DCP1B: variants seen among roughly 807,000 people sequenced by gnomAD.
The protein encoded by DCP1B is mRNA-decapping enzyme 1B.
In DCP1B, 47 loss-of-function variants were observed where a neutral mutation model predicts 60.5. The observed-to-expected ratio is 0.78, with a 90% CI of 0.61 to 0.99. DCP1B has a LOEUF of 0.99. Among genes scored for constraint, DCP1B ranks in the 50% least tolerant of loss-of-function variants. The pLI, the probability that DCP1B is intolerant of heterozygous loss-of-function variation, is 0.00. For synonymous variants in DCP1B, 267 were observed against 280.3 expected (o/e 0.95, Z 0.47); for missense variants, 725 against 756.8 (o/e 0.96, Z 0.49).
At chr12:1,999,037 C>T (rs2041577484) in intron 1 of DCP1B, among the ~76,000 whole-genome samples, 1 of 152,238 alleles carries the variant, frequency 6.6e-6, no homozygotes, top group Admixed American at 6.5e-5. Context: ...ATTTCTCATT[C>T]ACTTTAGTTC....
intron 7 of DCP1B, among the ~76,000 whole-genome samples, chr12:1,952,201 T>A (rs2030698103): frequency 6.6e-6 from 1 of 152,050 alleles, no homozygotes; most frequent in African/African-American, 2.4e-5. Context: ...ACAGACAGGG[T>A]CTCGCTCTGT....
chr12:1,968,735 C>T (rs1455873110), intron 3 of DCP1B, among the ~76,000 whole-genome samples: 1 of 152,050 alleles, frequency 6.6e-6, no homozygotes, highest in Non-Finnish European at 1.5e-5. Flanking sequence ...TAGGGAGAGG[C>T]CACTGGAAAA....
chr12:1,963,587 A>G (rs762904982), intron 5 of DCP1B, among the ~76,000 whole-genome samples: 1 of 152,164 alleles, frequency 6.6e-6, no homozygotes, highest in Non-Finnish European at 1.5e-5. Flanking sequence ...TATACATTCA[A>G]TGTGGTTTAA....
chr12:1,962,369 A>G lies in DCP1B; in HGVS notation c.522+3189T>C, dbSNP rs1321471986. 6.6e-6 allele frequency among the ~76,000 whole-genome samples: 1 copy of G among 152,208 alleles called. No individual in the cohort carries two copies. Among genetic ancestry groups the G allele is most frequent in the Non-Finnish European group, 1.5e-5 (1 of 68,042 alleles). ...GGGGCAGTCTCCCCAGCCAGAAAGG[A>G]TTTTAAGATGTCAAAACATTATAAC... is the stretch of plus-strand genomic sequence containing the variant. On this transcript the variant is annotated intron_variant, in intron 5 of 8. Transcript: ENST00000280665. The surrounding 1 kb of genome is among the most constrained non-coding windows in gnomAD (Gnocchi z 4.4).
At chr12:1,959,349 T>C (rs1227902570) in intron 5 of DCP1B, among the ~76,000 whole-genome samples, 1 of 152,198 alleles carries the variant, frequency 6.6e-6, no homozygotes, top group East Asian at 1.9e-4. Flanking sequence ...AAGAGATTCA[T>C]GTCCAAAGTA....
chr12:1,972,478 G>T (rs1227939483), intron 3 of DCP1B, among the ~76,000 whole-genome samples: 1 of 151,978 alleles, frequency 6.6e-6, no homozygotes, highest in African/African-American at 2.4e-5. Context: ...AAGATCCCAA[G>T]ATATTTAAAA....
chr12:1,986,106 C>A (rs1226095691), intron 3 of DCP1B, among the ~76,000 whole-genome samples: 1 of 152,246 alleles, frequency 6.6e-6, no homozygotes, highest in Non-Finnish European at 1.5e-5. Context: ...AGCCACTGCG[C>A]CCAGCCGTCA....
intron 5 of DCP1B, among the ~76,000 whole-genome samples, chr12:1,963,384 T>C (rs185440898): frequency 6.3e-4 from 96 of 152,366 alleles, no homozygotes; most frequent in Admixed American, 1.3e-3. Context: ...CCAGGGCTGT[T>C]TGATTACTCT....
At chr12:1,965,439 G>T in intron 5 of DCP1B, 119 bp downstream of exon 5, 1 of 1,190,608 alleles carries the variant, frequency 8.4e-7, no homozygotes, top group Non-Finnish European at 1.1e-6. Flanking sequence ...TTTTTTATTT[G>T]TAATATAATT....
chr12:1,987,761 ATAT>A lies in DCP1B; in HGVS notation c.319+5500_319+5502del, dbSNP rs1161683211. ...CCCATCCTTCCAATATAATGCTTTC[ATAT>A]TCAGTGTCTTTAACTATGTATTATG... On this transcript the variant is annotated intron_variant, in intron 3 of 8. Coordinates refer to ENST00000280665, the MANE Select transcript of DCP1B (RefSeq NM_152640.5). 2.6e-5 allele frequency among the ~76,000 whole-genome samples: 4 copies of A among 152,214 alleles called. 1 individual carries two copies. Among genetic ancestry groups the A allele is most frequent in the Admixed American group, 2.6e-4 (4 of 15,290 alleles).
chr12:1,965,514 G>A (rs372431121), intron 5 of DCP1B, 44 bp downstream of exon 5: 101 of 1,546,534 alleles, frequency 6.5e-5, no homozygotes, highest in African/African-American at 5.4e-4. Context: ...TTCCCACTGC[G>A]GAACTGAAGT....
At chr12:1,970,830 A>G (rs1211338291) in intron 3 of DCP1B, 3 of 288,464 alleles carry the variant, frequency 1.0e-5, no homozygotes, top group Non-Finnish European at 2.0e-5. Flanking sequence ...TACAAGGTTG[A>G]AAAGAATCAA....
chr12:1,942,361 T>C (rs1018987101), downstream of DCP1B, among the ~76,000 whole-genome samples: 1 of 152,218 alleles, frequency 6.6e-6, no homozygotes, highest in Non-Finnish European at 1.5e-5. Flanking sequence ...AACGCCCCTC[T>C]GTCAATATTA....
chr12:1,947,146 G>A (rs1342027530), intron 8 of DCP1B, among the ~76,000 whole-genome samples: 3 of 152,242 alleles, frequency 2.0e-5, no homozygotes, highest in Non-Finnish European at 4.4e-5. Flanking sequence ...GTGGGCAGGA[G>A]TAAGACTGGT....
chr12:1,950,090 G>T, intron 7 of DCP1B: 1 of 509,674 alleles, frequency 2.0e-6, no homozygotes, highest in Non-Finnish European at 3.5e-6. Flanking sequence ...GGAAGAAAAA[G>T]AATGTTATTT....
intron 3 of DCP1B, among the ~76,000 whole-genome samples, chr12:1,976,176 T>G (rs1006608279): frequency 3.3e-5 from 5 of 152,186 alleles, no homozygotes; most frequent in Non-Finnish European, 5.9e-5. Context: ...TCATTTTGGA[T>G]TAAAGGTCAC....
Position 1,948,989 on chromosome 12 carries a change from A to C in DCP1B, c.1773+97T>G. On this transcript the variant is annotated intron_variant, in intron 8 of 8. Transcript: ENST00000280665. The surrounding 1 kb of genome is among the most constrained non-coding windows in gnomAD (Gnocchi z 4.8). ...TTACACACACCTGTTATTCTCACGGAAGCTAAGCAGGCCTTGGCTGAGTCT... is the reference window on the plus strand; with the variant it reads ...TTACACACACCTGTTATTCTCACGGCAGCTAAGCAGGCCTTGGCTGAGTCT... 6.7e-7 allele frequency: 1 copy of C among 1,484,434 alleles called. No individual in the cohort carries two copies. The highest frequency in any genetic ancestry group is 9.2e-7 in the Non-Finnish European group (1 of 1,091,116). 92.0% of individuals were successfully genotyped at this position (1,484,434 alleles called of 1,614,324 possible). A position where few individuals can be genotyped will look rare whatever the true frequency, so the allele number is the denominator to read the frequency against.
At chr12:1,983,904 G>T (rs547080158) in intron 3 of DCP1B, among the ~76,000 whole-genome samples, 11 of 151,762 alleles carry the variant, frequency 7.2e-5, no homozygotes, top group African/African-American at 2.4e-4. Context: ...ACACTTTGAA[G>T]CTCTGTATTT....
Position 1,971,090 on chromosome 12 carries a change from A to G in DCP1B, c.320-3180T>C. ...GCTTCGAGCCTTTGTTCAGCCTGGT[A>G]CGCCTGCATACCAGCCGCTTCCCAG... On this transcript the variant is annotated intron_variant, in intron 3 of 8. Transcript: ENST00000280665. This position sits in a 1 kb window ranked among gnomAD's most constrained non-coding sequence, Gnocchi z 4.2. 7.8e-7 allele frequency: 1 copy of G among 1,289,578 alleles called. No homozygotes were observed. Among genetic ancestry groups the G allele is most frequent in the Non-Finnish European group, 1.0e-6 (1 of 988,680 alleles). 79.9% of individuals were successfully genotyped at this position (1,289,578 alleles called of 1,614,324 possible). A position where few individuals can be genotyped will look rare whatever the true frequency, so the allele number is the denominator to read the frequency against.
Sources: allele counts gnomAD v4.1 joint callset (sites outside exome capture counted in the v4.1 genomes callset), GRCh38; gene constraint gnomAD v4.1.1; non-coding constraint Gnocchi (gnomAD v3.1); transcripts MANE v1.5; gene names NCBI Gene and HGNC (gene_info 2026-07-23, HGNC 2026-07-21).